The following RGS9 variants were observed in gnomAD, a reference collection of about 807,000 sequenced individuals.
The protein encoded by RGS9 is regulator of G protein signaling 9.
Under a neutral mutation model 102.0 loss-of-function variants are expected in RGS9, and 78 were observed. That is an observed-to-expected ratio of 0.76 (90% CI 0.64 to 0.92). RGS9 has a LOEUF of 0.92. Ranked by LOEUF, RGS9 falls within the 40% of genes least tolerant of loss-of-function variation. RGS9 has a pLI of 0.00. For missense variants in RGS9, 833 were observed against 866.1 expected (o/e 0.96, Z 0.48); for synonymous variants, 353 against 318.6 (o/e 1.11, Z -1.15).
chr17:65,224,770 G>C (rs1021567697), intron 17 of RGS9, among the ~76,000 whole-genome samples: 2 of 152,174 alleles, frequency 1.3e-5, no homozygotes, highest in African/African-American at 4.8e-5. Flanking sequence ...TTAGCCCTGG[G>C]ACTGTGACCA....
intron 7 of RGS9, among the ~76,000 whole-genome samples, chr17:65,166,726 C>G (rs1911196854): frequency 6.6e-6 from 1 of 152,166 alleles, no homozygotes; most frequent in Non-Finnish European, 1.5e-5. Flanking sequence ...CTCTATTTAC[C>G]AGGCTCTCCA....
chr17:65,204,101 G>A lies in RGS9; in HGVS notation c.1065-62G>A, dbSNP rs964079007. ...ATCAGTCCTTCCCTCCCAAGCAGCT[G>A]TGAGCTATCCATGAATTGACTTGGT... On this transcript the variant is annotated intron_variant, in intron 14 of 18. Transcript: ENST00000262406. 16 of 1,599,798 alleles carry A rather than the reference G, an allele frequency of 1.0e-5. No individual in the cohort carries two copies. The African/African-American group carries it at 2.1e-4, about 21-fold the overall frequency.
At position 65,173,549 on chromosome 17, in the gene RGS9, G is replaced by T. The variant is rs571699561; in HGVS notation, c.583-4183G>T. On this transcript the variant is annotated intron_variant, in intron 8 of 18. Coordinates refer to ENST00000262406, the MANE Select transcript of RGS9 (RefSeq NM_003835.4). The surrounding 1 kb of genome is among the most constrained non-coding windows in gnomAD (Gnocchi z 4.8). ...CTTACACCCAAGGGATGTTGTTTGT[G>T]GGGGGCGGGGTCATACCCTGGTGTT... Among the ~76,000 whole-genome samples, 3 of 152,340 alleles carry T rather than the reference G, an allele frequency of 2.0e-5. No homozygotes were observed. Among genetic ancestry groups the T allele is most frequent in the Admixed American group, 6.5e-5 (1 of 15,304 alleles).
At chr17:65,215,478 A>ATCTTTCTTTCTTTCTT (rs1256405645) in intron 17 of RGS9, among the ~76,000 whole-genome samples, 4 of 114,888 alleles carry the variant, frequency 3.5e-5, no homozygotes, top group East Asian at 2.3e-4. Context: ...TTCTTTCTCT[A>ATCTTTCTTTCTTTCTT]TCTTTCTTTC....
chr17:65,191,290 C>T (rs1471243523), intron 11 of RGS9, among the ~76,000 whole-genome samples: 1 of 152,078 alleles, frequency 6.6e-6, no homozygotes, highest in Non-Finnish European at 1.5e-5. Flanking sequence ...GTTCTTAGAC[C>T]CAGTTTCCAA....
At chr17:65,190,298 T>G (rs1486815700) in intron 11 of RGS9, 62 bp downstream of exon 11, 19 of 1,320,156 alleles carry the variant, frequency 1.4e-5, no homozygotes, top group Non-Finnish European at 1.9e-5. Flanking sequence ...GAGGAGAACT[T>G]CTGCAAACTC....
chr17:65,205,898 T>C (rs1163300699), intron 15 of RGS9, among the ~76,000 whole-genome samples: 8 of 151,998 alleles, frequency 5.3e-5, no homozygotes, highest in Admixed American at 5.2e-4. Context: ...GGTTATATAA[T>C]ATAGGTTGTG....
chr17:65,191,183 T>C (rs997873495), intron 11 of RGS9, among the ~76,000 whole-genome samples: 1 of 152,170 alleles, frequency 6.6e-6, no homozygotes, highest in Non-Finnish European at 1.5e-5. Context: ...ATAATCATCA[T>C]TGTTCAGTGA....
At chr17:65,143,304 G>A (rs1397049919) in intron 1 of RGS9, among the ~76,000 whole-genome samples, 3 of 152,112 alleles carry the variant, frequency 2.0e-5, no homozygotes, top group Non-Finnish European at 4.4e-5. Flanking sequence ...TGAGAGCCCT[G>A]GGCTAAGGAG....
chr17:65,190,898 A>C (rs1912340557), intron 11 of RGS9, among the ~76,000 whole-genome samples: 1 of 152,200 alleles, frequency 6.6e-6, no homozygotes, highest in Admixed American at 6.5e-5. Context: ...GCACGATGTG[A>C]CTAATCATGT....
At chr17:65,187,203 A>T (rs1598598804) in intron 9 of RGS9, among the ~76,000 whole-genome samples, 1 of 152,192 alleles carries the variant, frequency 6.6e-6, no homozygotes, top group South Asian at 2.1e-4. Context: ...TTACACATTT[A>T]CTGAGCATCT....
chr17:65,167,208 TA>T (rs1185148578), intron 7 of RGS9, among the ~76,000 whole-genome samples: 3 of 152,110 alleles, frequency 2.0e-5, no homozygotes, highest in East Asian at 1.9e-4. Context: ...TTTATTTATT[TA>T]TTTTTTTTTG....
chr17:65,166,191 C>T (rs967889318), intron 7 of RGS9, among the ~76,000 whole-genome samples: 3 of 152,216 alleles, frequency 2.0e-5, no homozygotes, highest in Non-Finnish European at 4.4e-5. Context: ...CTTTTATGGC[C>T]TGGCCTCAGA....
chr17:65,222,448 C>T (rs1478147608), intron 17 of RGS9, among the ~76,000 whole-genome samples: 2 of 152,172 alleles, frequency 1.3e-5, no homozygotes, highest in Non-Finnish European at 2.9e-5. Context: ...GGTGGGAATC[C>T]TACATGCCAC....
rs921527891 is a variant in RGS9, at chr17:65,173,264, G to A, written c.583-4468G>A. ...CCCTGTCTTATTTTGTTTAGAAAACGAGTTAGTGTTTTACTTAGTATTTGT... is the reference window on the plus strand; with the variant it reads ...CCCTGTCTTATTTTGTTTAGAAAACAAGTTAGTGTTTTACTTAGTATTTGT... On this transcript the variant is annotated intron_variant, in intron 8 of 18. Coordinates refer to ENST00000262406, the MANE Select transcript of RGS9 (RefSeq NM_003835.4). The surrounding 1 kb of genome is among the most constrained non-coding windows in gnomAD (Gnocchi z 4.8). Among the ~76,000 whole-genome samples the A allele has an allele frequency of 3.3e-5, 5 of 152,020 alleles. No individual in the cohort carries two copies. In the East Asian group the frequency reaches 5.8e-4, roughly 18 times the overall value.
At chr17:65,149,605 G>A (rs1475911188) in intron 1 of RGS9, among the ~76,000 whole-genome samples, 1 of 152,164 alleles carries the variant, frequency 6.6e-6, no homozygotes. Flanking sequence ...GTTTCAAAAT[G>A]TATTAGTATG....
chr17:65,225,900 C>T (rs1905649118), intron 18 of RGS9, among the ~76,000 whole-genome samples: 1 of 152,214 alleles, frequency 6.6e-6, no homozygotes, highest in Non-Finnish European at 1.5e-5. Context: ...CCAGCCCCTC[C>T]CTCACCATAA....
At chr17:65,224,866 C>A (rs900294423) in intron 17 of RGS9, 136 bp from the exon 18 acceptor site, 3 of 1,204,908 alleles carry the variant, frequency 2.5e-6, no homozygotes, top group African/African-American at 3.0e-5. Context: ...CCGTTCCCAG[C>A]TCCCTAGGAG....
chr17:65,165,303 G>A (rs1198444684), intron 7 of RGS9, among the ~76,000 whole-genome samples: 3 of 152,182 alleles, frequency 2.0e-5, no homozygotes, highest in Non-Finnish European at 4.4e-5. Context: ...CAGGTCCTGG[G>A]ACATTCCCCT....
Sources: gnomAD v4.1 joint callset for allele counts (sites outside exome capture counted in the v4.1 genomes callset) on GRCh38, gnomAD v4.1.1 for gene constraint, Gnocchi (gnomAD v3.1) non-coding constraint, MANE v1.5 for transcripts, NCBI Gene and HGNC (gene_info 2026-07-23, HGNC 2026-07-21) for gene names.